The following LRRC4C variants were observed in gnomAD, a reference collection of about 807,000 sequenced individuals.
The protein encoded by LRRC4C is leucine-rich repeat-containing protein 4C.
Under a neutral mutation model 33.6 loss-of-function variants are expected in LRRC4C, and 5 were observed. The observed-to-expected ratio is 0.15, with a 90% confidence interval of 0.08 to 0.31. The LOEUF (loss-of-function observed/expected upper bound fraction) is 0.31, where lower values mean the gene tolerates loss of function less well. Ranked by LOEUF, LRRC4C falls within the 10% of genes least tolerant of loss-of-function variation. The pLI, the probability that LRRC4C is intolerant of heterozygous loss-of-function variation, is 1.00. For missense variants in LRRC4C, 560 were observed against 796.7 expected, an observed-to-expected ratio of 0.70 and a Z score of 3.58; for synonymous variants, 329 against 302.0, an observed-to-expected ratio of 1.09 and a Z score of -0.93.
At chr11:40,777,789 G>A (rs7931268) in intron 2 of LRRC4C, among the ~76,000 whole-genome samples, 5,292 of 151,768 alleles carry the variant, frequency 0.035, 208 homozygotes, top group African/African-American at 0.096. Context: ...CCGAGTTCAC[G>A]CCATTCTCCT....
chr11:41,241,751 G>A (rs754026470), intron 1 of LRRC4C, among the ~76,000 whole-genome samples: 92 of 152,090 alleles, frequency 6.0e-4, no homozygotes, highest in Non-Finnish European at 1.1e-3. Context: ...TCCCTCTTTC[G>A]TCCTTTTATC....
At chr11:40,170,468 C>A (rs1859951610) in intron 5 of LRRC4C, among the ~76,000 whole-genome samples, 1 of 151,488 alleles carries the variant, frequency 6.6e-6, no homozygotes, top group Non-Finnish European at 1.5e-5. Context: ...AATGAAGGGG[C>A]ATGTGCCTCA....
chr11:41,064,133 T>G (rs1220857415), intron 1 of LRRC4C, among the ~76,000 whole-genome samples: 1 of 152,246 alleles, frequency 6.6e-6, no homozygotes, highest in African/African-American at 2.4e-5. Flanking sequence ...TTGAAACACT[T>G]ACAACTAATT....
intron 3 of LRRC4C, among the ~76,000 whole-genome samples, chr11:40,500,317 C>T (rs1161045070): frequency 2.0e-5 from 3 of 147,338 alleles, no homozygotes; most frequent in African/African-American, 7.4e-5. Flanking sequence ...CACACACACA[C>T]ACACACACAC....
intron 5 of LRRC4C, among the ~76,000 whole-genome samples, chr11:40,233,314 ATAGT>A (rs1865335385): frequency 6.6e-6 from 1 of 152,214 alleles, no homozygotes; most frequent in South Asian, 2.1e-4. Context: ...ATTTAAATTT[ATAGT>A]TATTTAACTG....
At chr11:40,826,982 C>T (rs753328628) in intron 2 of LRRC4C, among the ~76,000 whole-genome samples, 2 of 151,944 alleles carry the variant, frequency 1.3e-5, no homozygotes, top group East Asian at 1.9e-4. Context: ...ATTCCGTTCT[C>T]CTAAGACTTA....
At chr11:40,789,605 G>A (rs1950550761) in intron 2 of LRRC4C, among the ~76,000 whole-genome samples, 2 of 141,692 alleles carry the variant, frequency 1.4e-5, no homozygotes, top group African/African-American at 6.0e-5. Flanking sequence ...AATGTAGCTG[G>A]GTACTGTCAG....
At chr11:41,163,921 A>G (rs755228156) in intron 1 of LRRC4C, among the ~76,000 whole-genome samples, 27 of 152,038 alleles carry the variant, frequency 1.8e-4, no homozygotes, top group Non-Finnish European at 3.1e-4. Context: ...CACTACTTCA[A>G]AAACTTTTTT....
At chr11:40,519,533 A>G (rs756921656) in intron 3 of LRRC4C, among the ~76,000 whole-genome samples, 1 of 152,134 alleles carries the variant, frequency 6.6e-6, no homozygotes, top group Non-Finnish European at 1.5e-5. Flanking sequence ...AGCCATATAA[A>G]CTAGAAGCGA....
chr11:40,296,479 C>A (rs760215550), intron 4 of LRRC4C, among the ~76,000 whole-genome samples: 1 of 152,158 alleles, frequency 6.6e-6, no homozygotes, highest in Non-Finnish European at 1.5e-5. Flanking sequence ...CAGATCTACT[C>A]AATGCCAGTT....
At chr11:40,508,271 T>A (rs1049924059) in intron 3 of LRRC4C, among the ~76,000 whole-genome samples, 2 of 152,162 alleles carry the variant, frequency 1.3e-5, no homozygotes, top group Non-Finnish European at 2.9e-5. Context: ...GGGGAATTAT[T>A]TACTTTTACT....
In LRRC4C at chr11:40,572,676, G is replaced by A. The variant is rs149945164; in HGVS notation, c.-270+75466C>T. ...GTAAATTGGGATGTCAGTCTAAAAT[G>A]TCAACACTCAGCCTCTTCCACAGAG... On this transcript the variant is annotated intron_variant, in intron 3 of 6. Coordinates refer to ENST00000528697, the MANE Select transcript of LRRC4C (RefSeq NM_001258419.2). Among the ~76,000 whole-genome samples, 686 of 152,244 alleles carry A rather than the reference G, an allele frequency of 4.5e-3. 22 individuals are homozygous for A. The highest frequency in any genetic ancestry group is 0.032 in the Admixed American group (493 of 15,280).
chr11:41,385,695 T>C (rs989406750), intron 1 of LRRC4C, among the ~76,000 whole-genome samples: 1 of 151,062 alleles, frequency 6.6e-6, no homozygotes, highest in Non-Finnish European at 1.5e-5. Context: ...AATTAGGAGG[T>C]TATGAAGTGA....
chr11:40,178,598 C>G (rs944563488), intron 5 of LRRC4C, among the ~76,000 whole-genome samples: 3 of 152,236 alleles, frequency 2.0e-5, no homozygotes, highest in Non-Finnish European at 2.9e-5. Context: ...CCTATATCCA[C>G]TCTCTCCCTT....
chr11:40,247,458 C>T (rs537571050), intron 4 of LRRC4C, among the ~76,000 whole-genome samples: 5 of 152,252 alleles, frequency 3.3e-5, no homozygotes, highest in Admixed American at 6.5e-5. Flanking sequence ...AGAACTTATT[C>T]AAGCCAAGCT....
At chr11:40,147,735 C>A (rs1029984258) in intron 5 of LRRC4C, among the ~76,000 whole-genome samples, 3 of 151,722 alleles carry the variant, frequency 2.0e-5, no homozygotes, top group Non-Finnish European at 2.9e-5. Flanking sequence ...TTTATTTTTT[C>A]TTTTTCTTTT....
chr11:40,239,451 G>A (rs1481667368), intron 5 of LRRC4C, among the ~76,000 whole-genome samples: 2 of 152,088 alleles, frequency 1.3e-5, no homozygotes, highest in African/African-American at 2.4e-5. Context: ...GCTTCTTCCT[G>A]TTCATACTTG....
chr11:40,137,529 T>G (rs965769990), intron 6 of LRRC4C, among the ~76,000 whole-genome samples: 1 of 152,126 alleles, frequency 6.6e-6, no homozygotes, highest in African/African-American at 2.4e-5. Flanking sequence ...TACCCTCTCC[T>G]TGCCTCCTTT....
intron 2 of LRRC4C, among the ~76,000 whole-genome samples, chr11:40,930,942 A>G (rs1431735090): frequency 6.6e-6 from 1 of 152,188 alleles, no homozygotes; most frequent in African/African-American, 2.4e-5. Flanking sequence ...GCCACCAATC[A>G]GTTTGGATTT....
Sources: allele counts gnomAD v4.1 joint callset (sites outside exome capture counted in the v4.1 genomes callset), GRCh38; gene constraint gnomAD v4.1.1; transcripts MANE v1.5; gene names NCBI Gene and HGNC (gene_info 2026-07-23, HGNC 2026-07-21).